The following SEZ6L variants were observed in gnomAD, a reference collection of about 807,000 sequenced individuals.
SEZ6L encodes seizure 6-like protein.
SEZ6L carries 37 observed loss-of-function variants against 106.2 expected under a neutral mutation model. That is an observed-to-expected ratio of 0.35 (90% confidence interval 0.27 to 0.46). SEZ6L has a LOEUF of 0.46. Ranked by LOEUF, SEZ6L falls within the 20% of genes least tolerant of loss-of-function variation. The pLI is 1.00. For synonymous variants in SEZ6L, 541 were observed against 570.4 expected (o/e 0.95, Z 0.73); for missense variants, 1,172 against 1,332.8 (o/e 0.88, Z 1.88).
chr22:26,310,930 G>C, intron 7 of SEZ6L, 94 bp downstream of exon 7: 1 of 1,287,984 alleles, frequency 7.8e-7, no homozygotes, highest in Non-Finnish European at 1.1e-6. Context: ...GGGCTGCGAA[G>C]GATGTGGGAA....
chr22:26,261,542 C>A (rs564274004), intron 1 of SEZ6L, among the ~76,000 whole-genome samples: 1 of 152,260 alleles, frequency 6.6e-6, no homozygotes, highest in South Asian at 2.1e-4. Flanking sequence ...TTATTGACCA[C>A]TTACTGTACT....
chr22:26,365,230 A>C (rs1054514417), intron 12 of SEZ6L, 142 bp from the exon 13 acceptor site: 6 of 660,576 alleles, frequency 9.1e-6, no homozygotes, highest in African/African-American at 1.8e-5. Context: ...AGTTTGAGAA[A>C]TAGAAAACAG....
intron 5 of SEZ6L, among the ~76,000 whole-genome samples, chr22:26,300,027 G>A (rs1569452664): frequency 6.6e-6 from 1 of 152,160 alleles, no homozygotes; most frequent in Non-Finnish European, 1.5e-5. Flanking sequence ...CCATCCTTAT[G>A]GGTATGAAGG....
chr22:26,336,673 G>A (rs1444639381), intron 9 of SEZ6L, among the ~76,000 whole-genome samples: 1 of 152,074 alleles, frequency 6.6e-6, no homozygotes, highest in Non-Finnish European at 1.5e-5. Flanking sequence ...ATAAGTCATG[G>A]TTTCTCGAGT....
intron 3 of SEZ6L, among the ~76,000 whole-genome samples, chr22:26,296,162 G>T (rs714005): frequency 0.27 from 41,281 of 151,948 alleles, 5,818 homozygotes; most frequent in East Asian, 0.39. Flanking sequence ...GCCTCCCTGC[G>T]TACAACTAAA....
At chr22:26,198,552 A>T (rs926124190) in intron 1 of SEZ6L, among the ~76,000 whole-genome samples, 6 of 152,220 alleles carry the variant, frequency 3.9e-5, no homozygotes, top group Non-Finnish European at 8.8e-5. Flanking sequence ...TAATTTATAA[A>T]TAATAGAAAT....
rs949969821 is a variant in SEZ6L at position 26,382,925 on chromosome 22, G to A, written c.*2630G>A. The A allele has an allele frequency of 2.6e-5, 4 of 152,130 alleles. No individual in the cohort carries two copies. Among genetic ancestry groups the A allele is most frequent in the South Asian group, 2.1e-4 (1 of 4,826 alleles). 9.4% of individuals were successfully genotyped at this position (152,130 alleles called of 1,614,324 possible). A position where few individuals can be genotyped will look rare whatever the true frequency, so the allele number is the denominator to read the frequency against. On this transcript the variant is annotated 3_prime_UTR_variant, in exon 17 of 17. Transcript: ENST00000248933. ...TGTTTTTAAAACAGTGGGGAAATACGTTTACAGAGATTGTGAGCTTCAGAG... is the reference window on the plus strand; with the variant it reads ...TGTTTTTAAAACAGTGGGGAAATACATTTACAGAGATTGTGAGCTTCAGAG...
intron 1 of SEZ6L, among the ~76,000 whole-genome samples, chr22:26,286,115 C>T (rs1037204425): frequency 6.6e-6 from 1 of 152,216 alleles, no homozygotes; most frequent in Non-Finnish European, 1.5e-5. Context: ...AACAGTTTTG[C>T]AGTACCTTTT....
intron 1 of SEZ6L, among the ~76,000 whole-genome samples, chr22:26,291,404 C>G (rs1201112808): frequency 6.6e-6 from 1 of 151,878 alleles, no homozygotes; most frequent in African/African-American, 2.4e-5. Context: ...AACACATGGA[C>G]ACAGGGAGGG....
intron 9 of SEZ6L, among the ~76,000 whole-genome samples, chr22:26,324,291 T>G (rs1261370292): frequency 6.6e-6 from 1 of 152,068 alleles, no homozygotes; most frequent in Non-Finnish European, 1.5e-5. Flanking sequence ...CTTCCTTTGC[T>G]CCTCTGCAGA....
intron 1 of SEZ6L, among the ~76,000 whole-genome samples, chr22:26,289,945 G>C (rs1027664262): frequency 2.0e-5 from 3 of 152,192 alleles, no homozygotes; most frequent in African/African-American, 2.4e-5. Context: ...CCAGTTTCCT[G>C]CCGAGGGGCT....
chr22:26,188,360 T>C (rs748981112), intron 1 of SEZ6L, among the ~76,000 whole-genome samples: 1 of 152,222 alleles, frequency 6.6e-6, no homozygotes, highest in African/African-American at 2.4e-5. Flanking sequence ...CAGCATGGTG[T>C]TGAAAAGAGC....
intron 1 of SEZ6L, among the ~76,000 whole-genome samples, chr22:26,255,447 G>T (rs933282175): frequency 2.0e-5 from 3 of 152,218 alleles, no homozygotes; most frequent in Admixed American, 1.3e-4. Context: ...AAACAAAGAA[G>T]ATGGCTAACA....
At chr22:26,172,459 G>A in intron 1 of SEZ6L, among the ~76,000 whole-genome samples, 1 of 151,652 alleles carries the variant, frequency 6.6e-6, no homozygotes, top group East Asian at 1.9e-4. Context: ...AGAGTGGCTT[G>A]TTTTCTTATT....
intron 12 of SEZ6L, among the ~76,000 whole-genome samples, chr22:26,360,440 C>T (rs2083577112): frequency 6.6e-6 from 1 of 152,220 alleles, no homozygotes; most frequent in Admixed American, 6.5e-5. Flanking sequence ...TCGCCTTGCT[C>T]ATCATTGTAT....
intron 12 of SEZ6L, among the ~76,000 whole-genome samples, chr22:26,352,627 C>T (rs148263816): frequency 0.01 from 1,573 of 152,230 alleles, 32 homozygotes; most frequent in African/African-American, 0.036. Flanking sequence ...ACGATTTAGA[C>T]GAGCAAACTG....
rs59145201 is a variant in SEZ6L, at chr22:26,356,642, AAATAATAATAATAATAATAAT to A, written c.2599+5430_2599+5450del. 6.7e-3 allele frequency among the ~76,000 whole-genome samples: 951 copies of A among 142,800 alleles called. 6 individuals carry two copies. Among genetic ancestry groups the A allele is most frequent in the Non-Finnish European group, 9.8e-3 (649 of 66,250 alleles). The allele number at this position is 142,800 out of a possible 152,430, so 93.7% of individuals were successfully genotyped here. On this transcript the variant is annotated intron_variant, in intron 12 of 16. Coordinates refer to ENST00000248933, the MANE Select transcript of SEZ6L (RefSeq NM_021115.5). ...GGGAGACAGAGCAAGATTCTGTCTCAAATAATAATAATAATAATAATAATAATAATAATAATAATAATAATA... is the reference window on the plus strand; with the variant it reads ...GGGAGACAGAGCAAGATTCTGTCTCAAATAATAATAATAATAATAATAATA...
At chr22:26,310,638 T>C (rs1378394876) in intron 6 of SEZ6L, 32 bp from the exon 7 acceptor site, 2 of 1,612,022 alleles carry the variant, frequency 1.2e-6, no homozygotes, top group South Asian at 2.2e-5. Flanking sequence ...GGAAGATCTG[T>C]CAGTGTCCCT....
At chr22:26,316,768 A>T (rs1441941716) in intron 9 of SEZ6L, among the ~76,000 whole-genome samples, 4 of 151,692 alleles carry the variant, frequency 2.6e-5, no homozygotes, top group Non-Finnish European at 4.4e-5. Flanking sequence ...GGAGGTGGAG[A>T]TTGCAGTAAG....
Sources: allele counts gnomAD v4.1 joint callset (sites outside exome capture counted in the v4.1 genomes callset), GRCh38; gene constraint gnomAD v4.1.1; transcripts MANE v1.5; gene names NCBI Gene and HGNC (gene_info 2026-07-23, HGNC 2026-07-21).